The following HPCAL1 variants were observed in gnomAD, a reference collection of about 807,000 sequenced individuals.
The protein encoded by HPCAL1 is hippocalcin-like protein 1.
HPCAL1 carries 8 observed loss-of-function variants against 17.1 expected under a neutral mutation model. The ratio of observed to expected loss-of-function variants is 0.47; its 90% CI spans 0.27 to 0.84. The LOEUF is 0.84. Among genes scored for constraint, HPCAL1 ranks in the 40% least tolerant of loss-of-function variants. The pLI is 0.13. For missense variants in HPCAL1, 165 were observed against 271.1 expected (o/e 0.61, Z 2.75); for synonymous variants, 112 against 111.4 (o/e 1.01, Z -0.03).
intron 1 of HPCAL1, chr2:10,324,507 G>A (rs985848040): frequency 2.0e-5 from 3 of 152,234 alleles, no homozygotes; most frequent in Non-Finnish European, 4.4e-5. Context: ...TTGCACAGCT[G>A]TGAGTATATT....
At chr2:10,339,212 GCATGATCTCGGCTCA>G (rs945767503) in intron 1 of HPCAL1, among the ~76,000 whole-genome samples, 4 of 152,128 alleles carry the variant, frequency 2.6e-5, no homozygotes, top group African/African-American at 9.7e-5. Flanking sequence ...GAGGGCAGTG[GCATGATCTCGGCTCA>G]CTGCAACCTC....
intron 1 of HPCAL1, among the ~76,000 whole-genome samples, chr2:10,320,669 G>A (rs1179907133): frequency 6.6e-6 from 1 of 152,240 alleles, no homozygotes; most frequent in African/African-American, 2.4e-5. Context: ...GGCCTGGAGA[G>A]AGAATCCCTG....
intron 1 of HPCAL1, among the ~76,000 whole-genome samples, chr2:10,370,384 G>A (rs1484576245): frequency 1.3e-5 from 2 of 152,250 alleles, no homozygotes; most frequent in African/African-American, 4.8e-5. Context: ...TTTCCAGGCT[G>A]GCTTGACACT....
intron 1 of HPCAL1, among the ~76,000 whole-genome samples, chr2:10,313,380 C>T (rs889388963): frequency 6.6e-6 from 1 of 152,164 alleles, no homozygotes; most frequent in Non-Finnish European, 1.5e-5. Context: ...AATGTCTGCC[C>T]AGATGTGTGA....
intron 1 of HPCAL1, among the ~76,000 whole-genome samples, chr2:10,350,766 G>A (rs1019258549): frequency 7.9e-5 from 12 of 152,148 alleles, no homozygotes; most frequent in African/African-American, 2.4e-5. Flanking sequence ...TAAAAAATGG[G>A]CAAGGGACTT....
At chr2:10,334,209 C>T (rs1664561402) in intron 1 of HPCAL1, among the ~76,000 whole-genome samples, 1 of 152,198 alleles carries the variant, frequency 6.6e-6, no homozygotes. Context: ...GTGGCCCAGG[C>T]ATGGTGGCTC....
At chr2:10,305,306 G>GT (rs910619455) in intron 1 of HPCAL1, among the ~76,000 whole-genome samples, 6 of 151,876 alleles carry the variant, frequency 4.0e-5, no homozygotes, top group Non-Finnish European at 7.4e-5. Flanking sequence ...TTTTGTTTTT[G>GT]TTTTTTTCTA....
intron 2 of HPCAL1, among the ~76,000 whole-genome samples, chr2:10,399,226 C>CCAT (rs1669277210): frequency 2.6e-5 from 2 of 78,358 alleles, no homozygotes; most frequent in African/African-American, 4.6e-5. Context: ...ACCACCACCA[C>CCAT]CACCACCACC....
intron 1 of HPCAL1, among the ~76,000 whole-genome samples, chr2:10,372,734 T>G (rs1311959473): frequency 6.6e-6 from 1 of 152,190 alleles, no homozygotes; most frequent in African/African-American, 2.4e-5. Context: ...GTGCTGCTCC[T>G]CAGAAGGGCA....
At chr2:10,378,223 GT>G (rs58697364) in intron 1 of HPCAL1, among the ~76,000 whole-genome samples, 39,653 of 96,212 alleles carry the variant, frequency 0.41, 7,704 homozygotes, top group East Asian at 0.84. Context: ...GTGGTTTCAT[GT>G]TTTTTTTTTT....
chr2:10,423,099 G>T lies in HPCAL1; in HGVS notation c.484+11G>T, dbSNP rs574285459. Reference sequence around the variant, plus strand: ...ACACCAACAATGACGGTAGTGCGGGGTGGGGGCGGGGCTGCATGTGTACGC... The same window carrying T: ...ACACCAACAATGACGGTAGTGCGGGTTGGGGGCGGGGCTGCATGTGTACGC... On this transcript the variant is annotated intron_variant, in intron 4 of 4. Coordinates refer to ENST00000307845, the MANE Select transcript of HPCAL1 (RefSeq NM_002149.4). The T allele has an allele frequency of 1.3e-6, 2 of 1,590,568 alleles. No individual in the cohort carries two copies. Among genetic ancestry groups the T allele is most frequent in the Non-Finnish European group, 1.7e-6 (2 of 1,159,322 alleles).
At chr2:10,360,568 C>T (rs551624891) in intron 1 of HPCAL1, among the ~76,000 whole-genome samples, 4 of 152,162 alleles carry the variant, frequency 2.6e-5, no homozygotes, top group Non-Finnish European at 5.9e-5. Context: ...CCCGCCACCA[C>T]ACCTGGCAAA....
intron 3 of HPCAL1, among the ~76,000 whole-genome samples, chr2:10,422,526 C>G (rs1671128789): frequency 6.6e-6 from 1 of 152,228 alleles, no homozygotes; most frequent in Non-Finnish European, 1.5e-5. Context: ...GCTGCTGCTT[C>G]CTGTCCTGTC....
chr2:10,388,643 T>C (rs1355308184), intron 1 of HPCAL1, among the ~76,000 whole-genome samples: 4 of 152,206 alleles, frequency 2.6e-5, no homozygotes, highest in Admixed American at 2.6e-4. Context: ...TCTCTGGTTT[T>C]CAAAGTTTTC....
chr2:10,333,497 G>C (rs766356265), intron 1 of HPCAL1, among the ~76,000 whole-genome samples: 2 of 152,154 alleles, frequency 1.3e-5, no homozygotes, highest in Non-Finnish European at 2.9e-5. Flanking sequence ...GCCTAAGCCA[G>C]CCTCCTGTGG....
intron 1 of HPCAL1, among the ~76,000 whole-genome samples, chr2:10,336,185 T>G (rs1041649053): frequency 7.1e-6 from 1 of 141,278 alleles, no homozygotes; most frequent in Non-Finnish European, 1.5e-5. Flanking sequence ...ATTAATTGCA[T>G]GTGCGTATCC....
In HPCAL1 at chr2:10,362,993, C is replaced by A. The variant is rs990129976; in HGVS notation, c.-110-33842C>A. On this transcript the variant is annotated intron_variant, in intron 1 of 4. Transcript: ENST00000307845. The surrounding 1 kb of genome is among the most constrained non-coding windows in gnomAD (Gnocchi z 5.0). The stretch of plus-strand genomic sequence containing the variant: ...CTTTGATGGTTCTCTCAGTGACTCA[C>A]GCCTGTAATCTCAGCATTTTGGGAG... 6.6e-6 allele frequency among the ~76,000 whole-genome samples: 1 copy of A among 152,198 alleles called. No homozygotes were observed. Among genetic ancestry groups the A allele is most frequent in the Non-Finnish European group, 1.5e-5 (1 of 68,034 alleles).
chr2:10,351,792 A>G (rs1323937092), intron 1 of HPCAL1, among the ~76,000 whole-genome samples: 1 of 151,962 alleles, frequency 6.6e-6, no homozygotes, highest in Non-Finnish European at 1.5e-5. Context: ...AAAGGGCAAA[A>G]TTCTCCCTGT....
intron 1 of HPCAL1, among the ~76,000 whole-genome samples, chr2:10,378,930 C>A (rs186545153): frequency 6.6e-6 from 1 of 152,300 alleles, no homozygotes; most frequent in East Asian, 1.9e-4. Flanking sequence ...TCATTTACAG[C>A]GAGGCGGACA....
Sources: allele counts gnomAD v4.1 joint callset (sites outside exome capture counted in the v4.1 genomes callset), GRCh38; gene constraint gnomAD v4.1.1; non-coding constraint Gnocchi (gnomAD v3.1); transcripts MANE v1.5; gene names NCBI Gene and HGNC (gene_info 2026-07-23, HGNC 2026-07-21).